The following ADAMTSL2 variants were observed in gnomAD, a reference collection of about 807,000 sequenced individuals.
ADAMTSL2 encodes the protein ADAMTS-like protein 2.
A neutral mutation model predicts 117.0 loss-of-function variants in ADAMTSL2; 55 were observed. The observed-to-expected ratio is 0.47, with a 90% CI of 0.38 to 0.59. The LOEUF is 0.59. ADAMTSL2 is among the 20% of genes least tolerant of loss of function. The pLI, the probability that ADAMTSL2 is intolerant of heterozygous loss-of-function variation, is 0.00. For synonymous variants in ADAMTSL2, 572 were observed against 566.4 expected, an observed-to-expected ratio of 1.01 and a Z score of -0.14; for missense variants, 1,182 against 1,354.5, an observed-to-expected ratio of 0.87 and a Z score of 2.00.
intron 13 of ADAMTSL2, 128 bp downstream of exon 13, chr9:133,567,190 G>A (rs1483013190): frequency 4.7e-5 from 58 of 1,245,068 alleles, no homozygotes; most frequent in Non-Finnish European, 5.9e-5. Context: ...GGGGCTCTTC[G>A]AGGAGGGGCA....
Position 133,575,227 on chromosome 9 carries a change from A to G in ADAMTSL2, c.*363A>G, listed in dbSNP as rs981443571. 1.0e-4 allele frequency: 31 copies of G among 295,996 alleles called. No individual in the cohort carries two copies. The Admixed American group carries it at 1.5e-3, about 14-fold the overall frequency. The allele number at this position is 295,996 out of a possible 1,614,324, so 18.3% of individuals were successfully genotyped here. A position where few individuals can be genotyped will look rare whatever the true frequency, so the allele number is the denominator to read the frequency against. On this transcript the variant is annotated 3_prime_UTR_variant, in exon 19 of 19. Coordinates refer to ENST00000651351, the MANE Select transcript of ADAMTSL2 (RefSeq NM_014694.4). ...GTGTCTTGCTCCGGGCCCGTAGCCC[A>G]CGCCCTCTCTGGGTGGCAGGGCCTT...
intron 1 of ADAMTSL2, among the ~76,000 whole-genome samples, chr9:133,535,585 A>C (rs2131085529): frequency 6.6e-6 from 1 of 151,954 alleles, no homozygotes; most frequent in South Asian, 2.1e-4. Flanking sequence ...GGCAGGGGTG[A>C]GGGGTGACCT....
At chr9:133,566,466 T>A (rs1830975881) in intron 12 of ADAMTSL2, among the ~76,000 whole-genome samples, 1 of 152,032 alleles carries the variant, frequency 6.6e-6, no homozygotes, top group Non-Finnish European at 1.5e-5. Context: ...AAGAGGATGC[T>A]TGCTAAGGAC....
chr9:133,561,886 G>A (rs1416966561), intron 12 of ADAMTSL2, among the ~76,000 whole-genome samples: 2 of 152,202 alleles, frequency 1.3e-5, no homozygotes, highest in African/African-American at 2.4e-5. Flanking sequence ...ACAGCCGCTA[G>A]AGCTGGAGCT....
intron 1 of ADAMTSL2, among the ~76,000 whole-genome samples, chr9:133,535,264 G>C (rs1419547157): frequency 2.0e-5 from 3 of 152,098 alleles, no homozygotes; most frequent in African/African-American, 7.2e-5. Context: ...GCTGGCACCT[G>C]TCTTCAGCCG....
Position 133,558,197 on chromosome 9 carries a change from C to G in ADAMTSL2, c.1649+2267C>G, listed in dbSNP as rs905295082. Among the ~76,000 whole-genome samples the G allele has an allele frequency of 1.3e-5, 2 of 152,216 alleles. No individual in the cohort carries two copies. The highest frequency in any genetic ancestry group is 3.9e-4 in the East Asian group (2 of 5,188). On this transcript the variant is annotated intron_variant, in intron 11 of 18. Coordinates refer to ENST00000651351, the MANE Select transcript of ADAMTSL2 (RefSeq NM_014694.4). The surrounding 1 kb of genome is among the most constrained non-coding windows in gnomAD (Gnocchi z 4.3). ...TAGGCTGTCAGCACTCAGAAAGGCC[C>G]TGACTGCTGAGATGCCGCTGCTCCC... is the stretch of plus-strand genomic sequence containing the variant.
chr9:133,573,763 T>C, intron 17 of ADAMTSL2, 80 bp from the exon 18 acceptor site: 1 of 1,565,282 alleles, frequency 6.4e-7, no homozygotes, highest in Admixed American at 1.7e-5. Context: ...GAAGGGGGAG[T>C]GTGCAGGTTC....
chr9:133,533,044 G>C (rs892623350), upstream of ADAMTSL2, among the ~76,000 whole-genome samples: 16 of 152,184 alleles, frequency 1.1e-4, no homozygotes, highest in African/African-American at 3.9e-4. Flanking sequence ...AGGAGAGCTC[G>C]GGGACTGTGC....
At chr9:133,533,764 C>G (rs1829987560), upstream of ADAMTSL2, among the ~76,000 whole-genome samples, 1 of 152,228 alleles carries the variant, frequency 6.6e-6, no homozygotes, top group Admixed American at 6.5e-5. Flanking sequence ...AGGACATCTG[C>G]TGCATGGAGG....
In ADAMTSL2 at chr9:133,539,634, C is replaced by T. The variant is rs572712653; in HGVS notation, c.310-137C>T. ...CGCGCAGGAGCCCTAGAGGCCACCC[C>T]GTGGGCCGTGGCCCCCGCACGGCTG... is the stretch of plus-strand genomic sequence containing the variant. On this transcript the variant is annotated intron_variant, in intron 4 of 18. Transcript: ENST00000651351. The T allele has an allele frequency of 1.3e-4, 110 of 866,236 alleles. 1 individual carries two copies. The highest frequency in any genetic ancestry group is 5.8e-4 in the Middle Eastern group (2 of 3,478). The allele number at this position is 866,236 out of a possible 1,614,324, so 53.7% of individuals were successfully genotyped here.
At chr9:133,562,550 G>A (rs1220871379) in intron 12 of ADAMTSL2, among the ~76,000 whole-genome samples, 4 of 104,098 alleles carry the variant, frequency 3.8e-5, no homozygotes, top group African/African-American at 1.6e-4. Context: ...GGCTCGCACC[G>A]CCGTGGGCGG....
intron 17 of ADAMTSL2, among the ~76,000 whole-genome samples, chr9:133,571,995 G>A (rs1831116185): frequency 6.6e-6 from 1 of 152,160 alleles, no homozygotes; most frequent in Non-Finnish European, 1.5e-5. Context: ...TGCTGTGGCG[G>A]GTGGATGCAA....
Position 133,534,716 on chromosome 9 carries a change from C to G in ADAMTSL2, c.-352C>G. 1 of 1,377,594 alleles carries G rather than the reference C, an allele frequency of 7.3e-7. No individual in the cohort carries two copies. Among genetic ancestry groups the G allele is most frequent in the Middle Eastern group, 2.6e-4 (1 of 3,800 alleles). 85.3% of individuals were successfully genotyped at this position (1,377,594 alleles called of 1,614,324 possible). A position where few individuals can be genotyped will look rare whatever the true frequency, so the allele number is the denominator to read the frequency against. ...GCGCAGAGCCGCCACTGGGCTGCGC[C>G]CCTCCCGGGAACCCCCTCTCTTGGA... is the stretch of plus-strand genomic sequence containing the variant. On this transcript the variant is annotated 5_prime_UTR_variant, in exon 1 of 19. Coordinates refer to ENST00000651351, the MANE Select transcript of ADAMTSL2 (RefSeq NM_014694.4).
intron 9 of ADAMTSL2, among the ~76,000 whole-genome samples, chr9:133,549,409 A>G (rs9696616): frequency 0.84 from 128,427 of 152,026 alleles, 55,010 homozygotes; most frequent in Non-Finnish European, 0.92. Flanking sequence ...CTCCATGACC[A>G]TCTCAACCTG....
rs567085233 is a variant in ADAMTSL2 at position 133,575,054 on chromosome 9, G to A, written c.*190G>A. On this transcript the variant is annotated 3_prime_UTR_variant, in exon 19 of 19. Transcript: ENST00000651351. ...TTTGTGCTCCTGGGGCAGAGCCTCC[G>A]GCACCCAGTGGCCTCCCCCAGACAG... 7.1e-5 allele frequency: 43 copies of A among 602,178 alleles called. No individual in the cohort carries two copies. The highest frequency in any genetic ancestry group is 1.1e-4 in the Non-Finnish European group (38 of 337,176). The allele number at this position is 602,178 out of a possible 1,614,324, so 37.3% of individuals were successfully genotyped here. A position where few individuals can be genotyped will look rare whatever the true frequency, so the allele number is the denominator to read the frequency against.
At chr9:133,569,171 C>T (rs948476780) in intron 15 of ADAMTSL2, among the ~76,000 whole-genome samples, 7 of 152,162 alleles carry the variant, frequency 4.6e-5, no homozygotes, top group African/African-American at 1.7e-4. Context: ...CTGGGGTCGC[C>T]TCTGGGTGGT....
At chr9:133,563,554 C>T (rs1830799062) in intron 12 of ADAMTSL2, among the ~76,000 whole-genome samples, 2 of 152,118 alleles carry the variant, frequency 1.3e-5, no homozygotes, top group East Asian at 1.9e-4. Flanking sequence ...GAGGCAGCCT[C>T]GCTGGCAAGG....
At chr9:133,539,666 C>CTGTCCCGGCTGTCCCGGA in intron 4 of ADAMTSL2, 105 bp from the exon 5 acceptor site, 3 of 1,146,398 alleles carry the variant, frequency 2.6e-6, no homozygotes, top group Non-Finnish European at 3.8e-6. Flanking sequence ...GCTGTCCCGG[C>CTGTCCCGGCTGTCCCGGA]TGTCCCGGCT....
intron 7 of ADAMTSL2, 54 bp downstream of exon 7, chr9:133,541,055 G>A (rs767852695): frequency 1.3e-6 from 2 of 1,580,254 alleles, no homozygotes; most frequent in Non-Finnish European, 1.7e-6. Context: ...GGAATCGGGG[G>A]TCCTGAGTGT....
Sources: gnomAD v4.1 joint callset for allele counts (sites outside exome capture counted in the v4.1 genomes callset) on GRCh38, gnomAD v4.1.1 for gene constraint, Gnocchi (gnomAD v3.1) non-coding constraint, MANE v1.5 for transcripts, NCBI Gene and HGNC (gene_info 2026-07-23, HGNC 2026-07-21) for gene names.